The following UIMC1 variants were observed in gnomAD, a reference collection of about 807,000 sequenced individuals.
UIMC1 encodes ubiquitin interaction motif containing 1, also known as BRCA1-A complex subunit RAP80.
UIMC1 carries 42 observed loss-of-function variants against 84.9 expected under a neutral mutation model. The ratio of observed to expected loss-of-function variants is 0.49; its 90% CI spans 0.39 to 0.64. UIMC1 has a LOEUF of 0.64. Ranked by LOEUF, UIMC1 falls within the 30% of genes least tolerant of loss-of-function variation. UIMC1 has a pLI of 0.00. For synonymous variants in UIMC1, 281 were observed against 293.0 expected (o/e 0.96, Z 0.42); for missense variants, 825 against 847.6 (o/e 0.97, Z 0.33).
At position 176,969,651 on chromosome 5, in the gene UIMC1, G is replaced by A. The variant is rs368561531; in HGVS notation, c.413C>T (p.Pro138Leu). 1.9e-5 allele frequency: 30 copies of A among 1,613,976 alleles called. No individual in the cohort carries two copies. The highest frequency in any genetic ancestry group is 1.6e-4 in the Middle Eastern group (1 of 6,082). The change falls in exon 5 of 15, where the codon CCG becomes CTG. Residue 138 changes from proline (P) to leucine (L), a missense_variant. By Grantham distance (98) the Pro-to-Leu change is moderately conservative (BLOSUM62 -3). Coordinates refer to ENST00000511320, the MANE Select transcript of UIMC1 (RefSeq NM_001199298.2). ...TTTCTCTTGATGGGACTGGGAAGAC[G>A]GTCCAGTGGCCAGAGGTCGAGATCT... ...ATRSRPLATGPSSQSHQEKTT... is the reference protein window; with the variant it reads ...ATRSRPLATGLSSQSHQEKTT...
intron 6 of UIMC1, among the ~76,000 whole-genome samples, chr5:176,959,741 T>C (rs937684574): frequency 2.2e-5 from 3 of 135,924 alleles, no homozygotes; most frequent in African/African-American, 2.8e-5. Flanking sequence ...AAAAAAATTA[T>C]TGTGCTTTGG....
chr5:176,943,642 T>C (rs955376951), intron 9 of UIMC1, among the ~76,000 whole-genome samples, 154 bp from the exon 10 acceptor site: 1 of 152,228 alleles, frequency 6.6e-6, no homozygotes, highest in African/African-American at 2.4e-5. Flanking sequence ...ATACTACTGA[T>C]AGAGTCAATA....
rs868413695 is a variant in UIMC1, at chr5:177,000,250, G to A, written c.-9+6400C>T. Among the ~76,000 whole-genome samples the A allele has an allele frequency of 4.6e-5, 7 of 152,030 alleles. 1 individual carries two copies. Among genetic ancestry groups the A allele is most frequent in the Middle Eastern group, 3.4e-3 (1 of 292 alleles). ...ATTACCGGCATAAGCCACCGCGCCC[G>A]GCATACTTTTAGTTTTTTGAGGAAA... On this transcript the variant is annotated intron_variant, in intron 1 of 14. Transcript: ENST00000511320.
intron 6 of UIMC1, among the ~76,000 whole-genome samples, chr5:176,965,058 C>T (rs551875381): frequency 2.0e-5 from 3 of 152,258 alleles, no homozygotes; most frequent in East Asian, 3.9e-4. Context: ...GAAGCAGACA[C>T]AATATAACCA....
chr5:177,000,001 C>G (rs1186399125), intron 1 of UIMC1, among the ~76,000 whole-genome samples: 2 of 152,170 alleles, frequency 1.3e-5, no homozygotes, highest in African/African-American at 4.8e-5. Flanking sequence ...CTCTGTCACC[C>G]AGGCGGGAGT....
chr5:176,910,597 C>T (rs1760006000), intron 11 of UIMC1, among the ~76,000 whole-genome samples: 1 of 152,216 alleles, frequency 6.6e-6, no homozygotes, highest in Non-Finnish European at 1.5e-5. Flanking sequence ...TTCTATATTG[C>T]CCAACCTTTT....
intron 7 of UIMC1, among the ~76,000 whole-genome samples, chr5:176,956,407 G>A (rs116202250): frequency 3.9e-5 from 6 of 152,270 alleles, no homozygotes; most frequent in African/African-American, 1.4e-4. Context: ...GAAGGCTAGA[G>A]ATTTGTAAAC....
Position 177,017,671 on chromosome 5 carries a change from CT to C in UIMC1, c.-9+4792del, listed in dbSNP as rs570344600. On this transcript the variant is annotated intron_variant, in intron 1 of 5. Transcript: ENST00000509236. ...ACAGGCCTGAGCCACCACGCTGGCC[CT>C]TTTTTTTTTTTTTTTGAGACAGGGT... Among the ~76,000 whole-genome samples, 810 of 138,056 alleles carry C rather than the reference CT, an allele frequency of 5.9e-3. 11 individuals carry two copies. The highest frequency in any genetic ancestry group is 0.042 in the East Asian group (199 of 4,794). 90.6% of individuals were successfully genotyped at this position (138,056 alleles called of 152,430 possible).
intron 10 of UIMC1, among the ~76,000 whole-genome samples, chr5:176,943,077 C>A (rs1224949188): frequency 1.3e-5 from 2 of 152,154 alleles, no homozygotes; most frequent in East Asian, 3.9e-4. Context: ...ACAGAACAAA[C>A]AAACAAACAA....
intron 4 of UIMC1, 35 bp downstream of exon 4, chr5:176,970,707 A>C (rs377459489): frequency 1.1e-5 from 18 of 1,613,594 alleles, no homozygotes; most frequent in Middle Eastern, 3.3e-4. Context: ...ATAGCTGATC[A>C]ATCTCCACAA....
chr5:176,911,598 G>A (rs966980594), intron 10 of UIMC1, among the ~76,000 whole-genome samples: 5 of 152,082 alleles, frequency 3.3e-5, no homozygotes, highest in Non-Finnish European at 7.4e-5. Flanking sequence ...TATTCTGTCC[G>A]CCACAAGATA....
At chr5:176,982,836 A>G (rs2149506482) in intron 1 of UIMC1, among the ~76,000 whole-genome samples, 1 of 152,246 alleles carries the variant, frequency 6.6e-6, no homozygotes, top group Middle Eastern at 3.4e-3. Context: ...AGTAGCTGGG[A>G]CCACAGGCAC....
chr5:176,944,985 G>T (rs1015377449), intron 9 of UIMC1, among the ~76,000 whole-genome samples: 17 of 152,198 alleles, frequency 1.1e-4, no homozygotes, highest in African/African-American at 3.9e-4. Context: ...GGAAACTGAG[G>T]CTTGGAAAAG....
At chr5:176,938,488 T>C (rs1763994758) in intron 10 of UIMC1, among the ~76,000 whole-genome samples, 2 of 152,160 alleles carry the variant, frequency 1.3e-5, no homozygotes, top group South Asian at 4.1e-4. Flanking sequence ...AACCCACCTA[T>C]ACCCCCAAGC....
intron 1 of UIMC1, among the ~76,000 whole-genome samples, chr5:176,999,514 T>C (rs1774137916): frequency 6.6e-6 from 1 of 151,546 alleles, no homozygotes; most frequent in African/African-American, 2.4e-5. Flanking sequence ...CTATTTTTTT[T>C]TTTGGTACCC....
chr5:176,911,731 T>C (rs1760241729), intron 10 of UIMC1, among the ~76,000 whole-genome samples: 1 of 152,160 alleles, frequency 6.6e-6, no homozygotes, highest in Admixed American at 6.5e-5. Context: ...CAAAATTCTA[T>C]CTGGTATGAC....
intron 10 of UIMC1, among the ~76,000 whole-genome samples, chr5:176,932,514 TAGAC>T (rs1358844235): frequency 7.3e-5 from 11 of 150,302 alleles, no homozygotes; most frequent in South Asian, 2.2e-4. Context: ...TATAGATAGA[TAGAC>T]AGATAGACAG....
At chr5:176,996,673 C>T (rs1466270379) in intron 1 of UIMC1, among the ~76,000 whole-genome samples, 7 of 152,138 alleles carry the variant, frequency 4.6e-5, no homozygotes, top group Admixed American at 2.0e-4. Context: ...GTACCCTACT[C>T]CTCAGTTCAA....
chr5:176,916,089 T>C (rs1018655334), intron 10 of UIMC1, among the ~76,000 whole-genome samples: 4 of 152,224 alleles, frequency 2.6e-5, no homozygotes, highest in Non-Finnish European at 4.4e-5. Flanking sequence ...CTACTGCCCC[T>C]ACAAAAGAGC....
Sources: gnomAD v4.1 joint callset for allele counts (sites outside exome capture counted in the v4.1 genomes callset) on GRCh38, gnomAD v4.1.1 for gene constraint, MANE v1.5 for transcripts, NCBI Gene and HGNC (gene_info 2026-07-23, HGNC 2026-07-21) for gene names.